Variants in SFMBT1 observed in about 807,000 individuals in gnomAD.
SFMBT1 encodes scm-like with four MBT domains protein 1.
SFMBT1 carries 32 observed loss-of-function variants against 108.7 expected under a neutral mutation model. The ratio of observed to expected loss-of-function variants is 0.29; its 90% confidence interval spans 0.22 to 0.40. The LOEUF is 0.40. SFMBT1 is among the 10% of genes least tolerant of loss of function. The probability of loss-of-function intolerance (pLI) is 1.00; values close to 1 mark genes in which losing one functional copy is unlikely to be tolerated. For synonymous variants in SFMBT1, 348 were observed against 369.5 expected (o/e 0.94, Z 0.67); for missense variants, 816 against 1,059.6 (o/e 0.77, Z 3.19).
In SFMBT1 at chr3:52,957,093, GCTT is replaced by G. The variant is rs989657195; in HGVS notation, c.29-2685_29-2683del. On this transcript the variant is annotated intron_variant, in intron 2 of 20. Coordinates refer to ENST00000394752, the MANE Select transcript of SFMBT1 (RefSeq NM_016329.4). ...AAAACCCCATCGCTTCAGCCCAAAA[GCTT>G]CTTAAGCTGAGAAGTAACTTCCGCA... is the stretch of plus-strand genomic sequence containing the variant. 4.3e-4 allele frequency among the ~76,000 whole-genome samples: 65 copies of G among 152,100 alleles called. 1 individual carries two copies. Among genetic ancestry groups the G allele is most frequent in the African/African-American group, 1.5e-3 (62 of 41,424 alleles).
intron 13 of SFMBT1, among the ~76,000 whole-genome samples, chr3:52,916,915 A>T (rs2106773223): frequency 6.6e-6 from 1 of 152,332 alleles, no homozygotes. Context: ...CAGAAACTTT[A>T]TATAGGGTTC....
chr3:52,962,957 A>T (rs1168985690), intron 2 of SFMBT1, among the ~76,000 whole-genome samples: 1 of 149,696 alleles, frequency 6.7e-6, no homozygotes, highest in Non-Finnish European at 1.5e-5. Context: ...AAAGAGAAAG[A>T]ATTAGTAATA....
rs567637302 is a variant in SFMBT1 at position 52,924,467 on chromosome 3, C to G, written c.1131+1564G>C. Among the ~76,000 whole-genome samples, 3 of 152,110 alleles carry G rather than the reference C, an allele frequency of 2.0e-5. No homozygotes were observed. The South Asian group carries it at 6.2e-4, about 32-fold the overall frequency. On this transcript the variant is annotated intron_variant, in intron 10 of 20. Transcript: ENST00000394752. ...GACCAGCCTGGCCAACATGGTGAAA[C>G]CCAGTCTCTGCTAAAAATACAAAAA...
intron 3 of SFMBT1, among the ~76,000 whole-genome samples, chr3:52,946,065 TACA>T (rs1447055638): frequency 6.6e-6 from 1 of 152,188 alleles, no homozygotes; most frequent in Admixed American, 6.5e-5. Context: ...ATATCATTCC[TACA>T]ACATTATTAC....
At chr3:52,975,947 G>C (rs181253043) in intron 1 of SFMBT1, among the ~76,000 whole-genome samples, 1 of 152,114 alleles carries the variant, frequency 6.6e-6, no homozygotes. Context: ...AGAGGCAGAG[G>C]CTGTAATGAC....
intron 17 of SFMBT1, among the ~76,000 whole-genome samples, chr3:52,909,149 A>G (rs1200477701): frequency 1.3e-5 from 2 of 152,232 alleles, no homozygotes; most frequent in South Asian, 2.1e-4. Flanking sequence ...TCAAATTACT[A>G]ACTGGGAAAA....
rs747726855 is a variant in SFMBT1 at position 52,932,128 on chromosome 3, A to G, written c.634T>C (p.Leu212=). The change falls in exon 6 of 21, where the codon TTG becomes CTG. Residue 212 remains leucine, a synonymous_variant. Coordinates refer to ENST00000394752, the MANE Select transcript of SFMBT1 (RefSeq NM_016329.4). ...SDNYEHWLYY[L]DPFLHHVGWA... ...CCAACGTGATGAAGAAATGGATCCA[A>G]GTAATACAACCAATGTTCATAATTG... is the stretch of plus-strand genomic sequence containing the variant. 1 of 1,614,068 alleles carries G rather than the reference A, an allele frequency of 6.2e-7. No individual in the cohort carries two copies. The highest frequency in any genetic ancestry group is 1.1e-5 in the South Asian group (1 of 91,086).
chr3:52,906,929 G>A (rs1005332273), intron 19 of SFMBT1, 140 bp downstream of exon 19: 5 of 1,031,762 alleles, frequency 4.8e-6, no homozygotes, highest in Admixed American at 6.1e-5. Context: ...CTGCATTTGG[G>A]GTCACTTTAC....
intron 1 of SFMBT1, among the ~76,000 whole-genome samples, chr3:53,024,181 C>T (rs1184194139): frequency 6.6e-6 from 1 of 152,174 alleles, no homozygotes; most frequent in Non-Finnish European, 1.5e-5. Context: ...ATTTTAGATA[C>T]GTCAACTGTC....
chr3:52,997,677 G>A (rs1189653884), intron 1 of SFMBT1, among the ~76,000 whole-genome samples: 1 of 150,570 alleles, frequency 6.6e-6, no homozygotes, highest in East Asian at 1.9e-4. Flanking sequence ...TTCTATTTAT[G>A]TGAAATTTCT....
Position 52,905,029 on chromosome 3 carries a change from C to T in SFMBT1, c.*107G>A. On this transcript the variant is annotated 3_prime_UTR_variant, in exon 21 of 21. Transcript: ENST00000394752. ...AAAGTGCAAAGAGAGCAAGCTGATA[C>T]CTGCAGGCCCCAGAGCCCCAGGACT... The T allele has an allele frequency of 1.4e-6, 2 of 1,445,676 alleles. No homozygotes were observed. Among genetic ancestry groups the T allele is most frequent in the Non-Finnish European group, 1.9e-6 (2 of 1,078,146 alleles). The allele number at this position is 1,445,676 out of a possible 1,614,324, so 89.6% of individuals were successfully genotyped here. A position where few individuals can be genotyped will look rare whatever the true frequency, so the allele number is the denominator to read the frequency against.
chr3:52,930,462 C>T (rs369710573), intron 7 of SFMBT1, 32 bp from the exon 8 acceptor site: 3 of 1,218,318 alleles, frequency 2.5e-6, no homozygotes, highest in South Asian at 1.2e-5. Context: ...GGGATGAAAA[C>T]ATAGTATCTG....
At chr3:52,995,417 C>T (rs1158332081) in intron 1 of SFMBT1, among the ~76,000 whole-genome samples, 1 of 150,248 alleles carries the variant, frequency 6.7e-6, no homozygotes, top group East Asian at 1.9e-4. Flanking sequence ...GAGGCAGGGT[C>T]TTGCTCTGTC....
chr3:53,044,253 T>A (rs548099257), intron 1 of SFMBT1, among the ~76,000 whole-genome samples: 87 of 152,320 alleles, frequency 5.7e-4, no homozygotes, highest in African/African-American at 1.8e-3. Flanking sequence ...TTTCTAAGAA[T>A]CTTTCAGTTA....
Position 52,999,287 on chromosome 3 carries a change from G to A in SFMBT1, c.-130-30029C>T, listed in dbSNP as rs1418550756. On this transcript the variant is annotated intron_variant, in intron 1 of 20. Coordinates refer to ENST00000394752, the MANE Select transcript of SFMBT1 (RefSeq NM_016329.4). ...AGGGCTCCTGGAACCCTACGTGAAG[G>A]AGGCCAAGCACAGCCGTGGACACCG... Among the ~76,000 whole-genome samples the A allele has an allele frequency of 2.0e-5, 3 of 150,434 alleles. 1 individual carries two copies. The highest frequency in any genetic ancestry group is 4.5e-5 in the Non-Finnish European group (3 of 67,106).
intron 1 of SFMBT1, among the ~76,000 whole-genome samples, chr3:52,972,262 G>C (rs1704371605): frequency 6.6e-6 from 1 of 152,210 alleles, no homozygotes; most frequent in Non-Finnish European, 1.5e-5. Context: ...GTGGAGAGAT[G>C]CAAGTCTTAC....
At chr3:52,915,237 C>T (rs893289299) in intron 14 of SFMBT1, among the ~76,000 whole-genome samples, 1 of 152,168 alleles carries the variant, frequency 6.6e-6, no homozygotes, top group African/African-American at 2.4e-5. Context: ...CTCTGTTTCC[C>T]AGGGAACCTG....
At chr3:52,945,363 A>G (rs1703331810) in intron 3 of SFMBT1, among the ~76,000 whole-genome samples, 2 of 151,994 alleles carry the variant, frequency 1.3e-5, no homozygotes, top group Non-Finnish European at 2.9e-5. Context: ...ATGCATTATA[A>G]CTAATAGATT....
intron 17 of SFMBT1, among the ~76,000 whole-genome samples, chr3:52,908,072 CTT>C (rs917544866): frequency 3.3e-4 from 45 of 134,500 alleles, no homozygotes; most frequent in African/African-American, 8.1e-4. Flanking sequence ...TTGTGTGTGA[CTT>C]TTTTTTTTTT....
Sources: allele counts gnomAD v4.1 joint callset (sites outside exome capture counted in the v4.1 genomes callset), GRCh38; gene constraint gnomAD v4.1.1; transcripts MANE v1.5; gene names NCBI Gene and HGNC (gene_info 2026-07-23, HGNC 2026-07-21).